Variants in AXIN1 observed in about 807,000 individuals in gnomAD.
AXIN1 encodes axin 1.
Under a neutral mutation model 76.4 loss-of-function variants are expected in AXIN1, and 30 were observed. That is an observed-to-expected ratio of 0.39 (90% CI 0.29 to 0.53). The LOEUF (loss-of-function observed/expected upper bound fraction) is 0.53, where lower values mean the gene tolerates loss of function less well. Ranked by LOEUF, AXIN1 falls within the 20% of genes least tolerant of loss-of-function variation. AXIN1 has a pLI of 0.66. For synonymous variants in AXIN1, 545 were observed against 501.4 expected (o/e 1.09, Z -1.16); for missense variants, 1,140 against 1,198.8 (o/e 0.95, Z 0.72).
intron 1 of AXIN1, among the ~76,000 whole-genome samples, chr16:351,257 A>G (rs1197792856): frequency 6.6e-6 from 1 of 152,228 alleles, no homozygotes; most frequent in Non-Finnish European, 1.5e-5. Context: ...GAAGAAGCAG[A>G]GAACAGAAGT....
At chr16:288,274 G>C (rs2141460812) in intron 10 of AXIN1, 26 bp from the exon 11 acceptor site, 1 of 1,613,292 alleles carries the variant, frequency 6.2e-7, no homozygotes, top group Non-Finnish European at 8.5e-7. Flanking sequence ...GAGGAGGGCA[G>C]TGAGCAGGCA....
intron 4 of AXIN1, among the ~76,000 whole-genome samples, chr16:307,927 T>C (rs1597027953): frequency 6.6e-6 from 1 of 152,354 alleles, no homozygotes; most frequent in African/African-American, 2.4e-5. Flanking sequence ...GTGCCCGTGA[T>C]GTGGGTTTCT....
chr16:298,320 C>G (rs1267780032), intron 5 of AXIN1, 69 bp from the exon 6 acceptor site: 2 of 1,533,668 alleles, frequency 1.3e-6, no homozygotes, highest in Non-Finnish European at 1.7e-6. Flanking sequence ...CAAAAAGCAT[C>G]AGGCCTGACC....
intron 2 of AXIN1, among the ~76,000 whole-genome samples, chr16:317,623 C>T (rs2053334079): frequency 6.6e-6 from 1 of 152,204 alleles, no homozygotes; most frequent in Admixed American, 6.5e-5. Flanking sequence ...CACCGACCAC[C>T]GGTGGCTGGG....
intron 4 of AXIN1, among the ~76,000 whole-genome samples, chr16:305,046 C>G (rs991712637): frequency 1.3e-5 from 2 of 152,224 alleles, no homozygotes; most frequent in African/African-American, 4.8e-5. Context: ...TCCCCACCCA[C>G]TTCAGAGAAG....
intron 1 of AXIN1, among the ~76,000 whole-genome samples, chr16:349,540 C>T (rs2054101593): frequency 1.3e-5 from 2 of 152,158 alleles, no homozygotes; most frequent in Admixed American, 6.5e-5. Context: ...TCAGACAGTG[C>T]TCAGAAGGGA....
intron 9 of AXIN1, chr16:289,911 G>A: frequency 1.9e-6 from 1 of 517,642 alleles, no homozygotes; most frequent in South Asian, 2.0e-5. Flanking sequence ...AGGATGGCAG[G>A]GCAGGCTGCA....
At position 293,373 on chromosome 16, in the gene AXIN1, G is replaced by C; in HGVS notation, c.2186+115C>G. On this transcript the variant is annotated intron_variant, in intron 8 of 10. Coordinates refer to ENST00000262320, the MANE Select transcript of AXIN1 (RefSeq NM_003502.4). This position sits in a 1 kb window ranked among gnomAD's most constrained non-coding sequence, Gnocchi z 4.6. ...GATGGAAGGGCCCAGTATGGCTGGG[G>C]GACACCCAGAGGGCCGTTTTTCCCC... The C allele has an allele frequency of 9.6e-7, 1 of 1,044,946 alleles. No individual in the cohort carries two copies. The highest frequency in any genetic ancestry group is 1.4e-6 in the Non-Finnish European group (1 of 710,144). 64.7% of individuals were successfully genotyped at this position (1,044,946 alleles called of 1,614,324 possible). A position where few individuals can be genotyped will look rare whatever the true frequency, so the allele number is the denominator to read the frequency against.
At chr16:333,401 G>T (rs549791580) in intron 2 of AXIN1, among the ~76,000 whole-genome samples, 2 of 149,720 alleles carry the variant, frequency 1.3e-5, no homozygotes, top group South Asian at 4.2e-4. Context: ...GAGGCAGGAG[G>T]ATCGCTCAAG....
intron 2 of AXIN1, among the ~76,000 whole-genome samples, chr16:342,574 C>T (rs898077718): frequency 2.6e-5 from 4 of 152,230 alleles, no homozygotes; most frequent in Admixed American, 6.5e-5. Context: ...GGGGAGCAGC[C>T]GTCTGTCTGG....
chr16:309,923 A>G, intron 4 of AXIN1, 50 bp downstream of exon 4: 2 of 1,577,114 alleles, frequency 1.3e-6, no homozygotes, highest in Non-Finnish European at 1.7e-6. Flanking sequence ...CACCAGGCCC[A>G]CGCTGAGCGG....
chr16:326,370 A>ATATATATATATATATATATAT (rs1415761664), intron 2 of AXIN1, among the ~76,000 whole-genome samples: 3 of 93,006 alleles, frequency 3.2e-5, no homozygotes, highest in African/African-American at 1.9e-4. Flanking sequence ...AAAAAAAAAA[A>ATATATATATATATATATATAT]AAATATATAT....
chr16:346,226 A>C lies in AXIN1; in HGVS notation c.800T>G (p.Leu267Arg), dbSNP rs200738407. Residue 267 changes from leucine (L) to arginine (R), a missense_variant, in exon 2 of 11, where the codon CTC (leucine) becomes CGC (arginine). Physicochemically the swap from Leu to Arg is moderately radical, Grantham distance 102 (BLOSUM62 -2). Coordinates refer to ENST00000262320, the MANE Select transcript of AXIN1 (RefSeq NM_003502.4). ...TGTCTCCAGGAGCAGCTTCTGAGGG[A>C]GTCTTCCGGGGGGAGCAGCGTCTCT... ...DGRDAAPPGR[L>R]PQKLLLETAA... 1.9e-5 allele frequency: 30 copies of C among 1,614,070 alleles called. No homozygotes were observed. The East Asian group carries it at 6.0e-4, about 32-fold the overall frequency.
intron 2 of AXIN1, 89 bp downstream of exon 2, chr16:346,059 T>C (rs2141699135): frequency 2.2e-6 from 3 of 1,359,940 alleles, no homozygotes; most frequent in Non-Finnish European, 3.1e-6. Flanking sequence ...CGGTGTGGGT[T>C]AACGCCCGCC....
chr16:320,368 C>T (rs1285106354), intron 2 of AXIN1, among the ~76,000 whole-genome samples: 3 of 152,082 alleles, frequency 2.0e-5, no homozygotes, highest in Admixed American at 6.6e-5. Flanking sequence ...ATTTTAATTA[C>T]TGAACTGCAA....
chr16:295,538 G>GA (rs2052688170), intron 7 of AXIN1, among the ~76,000 whole-genome samples: 1 of 151,464 alleles, frequency 6.6e-6, no homozygotes, highest in South Asian at 2.1e-4. Flanking sequence ...GTGACAGAGG[G>GA]AGACTCTGTC....
chr16:309,966 T>TAC lies in AXIN1; in HGVS notation c.1116+5_1116+6dup. The TAC allele has an allele frequency of 1.9e-6, 3 of 1,613,030 alleles. No individual in the cohort carries two copies. In the South Asian group the frequency reaches 3.3e-5, roughly 18 times the overall value. On this transcript the variant is annotated splice_region_variant and intron_variant, in intron 4 of 10. Transcript: ENST00000262320. ...GATGGGCTGAGGACCGCAAAGCCGG[T>TAC]ACTTACGGGAATGTGAGGTAGGGGC...
intron 5 of AXIN1, among the ~76,000 whole-genome samples, chr16:299,602 C>A (rs1289310094): frequency 1.3e-5 from 2 of 151,454 alleles, no homozygotes; most frequent in Non-Finnish European, 1.5e-5. Flanking sequence ...TAATCCACCA[C>A]CCTCGGCCTC....
At chr16:290,145 C>T in intron 9 of AXIN1, 1 of 179,572 alleles carries the variant, frequency 5.6e-6, no homozygotes, top group Admixed American at 5.5e-5. Flanking sequence ...AGGTGCTGTG[C>T]TTCCACAGCC....
Sources: allele counts gnomAD v4.1 joint callset (sites outside exome capture counted in the v4.1 genomes callset), GRCh38; gene constraint gnomAD v4.1.1; non-coding constraint Gnocchi (gnomAD v3.1); transcripts MANE v1.5; gene names NCBI Gene and HGNC (gene_info 2026-07-23, HGNC 2026-07-21).